The following FHIP1A variants were observed in gnomAD, a reference collection of about 807,000 sequenced individuals.
FHIP1A encodes FHF complex subunit HOOK-interacting protein 1A.
FHIP1A carries 61 observed loss-of-function variants against 88.6 expected under a neutral mutation model. That is an observed-to-expected ratio of 0.69 (90% CI 0.56 to 0.85). The LOEUF is 0.85. FHIP1A is among the 40% of genes least tolerant of loss of function. FHIP1A has a pLI of 0.00. For synonymous variants in FHIP1A, 478 were observed against 496.0 expected (o/e 0.96, Z 0.48); for missense variants, 1,154 against 1,273.5 (o/e 0.91, Z 1.43).
At chr4:151,528,349 C>T (rs753375894) in intron 3 of FHIP1A, among the ~76,000 whole-genome samples, 3 of 152,164 alleles carry the variant, frequency 2.0e-5, no homozygotes, top group Admixed American at 1.3e-4. Flanking sequence ...TTGAGAAAGG[C>T]GCTGAAGTAG....
chr4:151,622,001 G>A (rs560319054), intron 7 of FHIP1A, among the ~76,000 whole-genome samples: 16 of 152,242 alleles, frequency 1.1e-4, no homozygotes, highest in Non-Finnish European at 2.1e-4. Flanking sequence ...GTTTTTATTA[G>A]TAACAGGGCT....
chr4:151,495,395 G>A (rs1180797479), intron 3 of FHIP1A, among the ~76,000 whole-genome samples: 1 of 151,606 alleles, frequency 6.6e-6, no homozygotes, highest in Non-Finnish European at 1.5e-5. Context: ...CCAGCTACTC[G>A]GGAGGCTGAG....
intron 13 of FHIP1A, among the ~76,000 whole-genome samples, chr4:151,660,919 G>A (rs1737433225): frequency 6.6e-6 from 1 of 152,218 alleles, no homozygotes; most frequent in African/African-American, 2.4e-5. Flanking sequence ...CTTTTGGCAG[G>A]TGAGGAAATA....
intron 7 of FHIP1A, among the ~76,000 whole-genome samples, chr4:151,617,332 A>C (rs539168631): frequency 6.6e-6 from 1 of 151,764 alleles, no homozygotes; most frequent in Non-Finnish European, 1.5e-5. Context: ...AACAAATTGG[A>C]GTGGTTTAAA....
At chr4:151,635,406 G>A (rs1736312581) in intron 8 of FHIP1A, among the ~76,000 whole-genome samples, 1 of 151,818 alleles carries the variant, frequency 6.6e-6, no homozygotes, top group African/African-American at 2.4e-5. Flanking sequence ...GCACGATCTT[G>A]AACAGATATT....
rs576298466 is a variant in FHIP1A at position 151,662,565 on chromosome 4, G to T, written c.2934G>T (p.Val978=). 8.4e-6 allele frequency: 13 copies of T among 1,551,494 alleles called. No individual in the cohort carries two copies. In the East Asian group the frequency reaches 3.2e-4, roughly 38 times the overall value. ...GKNLLDGPPR[V]LQPFLTHRTK... Reference sequence around the variant, plus strand: ...ACCTTTTGGATGGACCTCCAAGAGTGCTTCAGCCCTTCCTGACCCACAGAA... The same window carrying T: ...ACCTTTTGGATGGACCTCCAAGAGTTCTTCAGCCCTTCCTGACCCACAGAA... Residue 978 remains valine (V), a synonymous_variant, in exon 14 of 14, where the codon GTG becomes GTT. Transcript: ENST00000435205.
chr4:151,422,490 G>T (rs1733210233), intron 1 of FHIP1A, among the ~76,000 whole-genome samples: 1 of 152,090 alleles, frequency 6.6e-6, no homozygotes, highest in Non-Finnish European at 1.5e-5. Flanking sequence ...GGGTTCACAG[G>T]ATTCTTGTGC....
Position 151,588,851 on chromosome 4 carries a change from C to G in FHIP1A, c.903C>G (p.Pro301=). The change falls in exon 7 of 14, where the codon CCC becomes CCG. Residue 301 remains proline (P), a synonymous_variant. Transcript: ENST00000435205. ...TGCCTCTCTCTCAGGTGGCTCACCC[C>G]TTGATTCGAAATCAGCTTGTCAATT... ...FCNAVIQVAH[P]LIRNQLVNYI... The G allele has an allele frequency of 6.4e-7, 1 of 1,550,894 alleles. No individual in the cohort carries two copies. The highest frequency in any genetic ancestry group is 8.7e-7 in the Non-Finnish European group (1 of 1,146,382).
At chr4:151,550,194 T>C (rs893829899) in intron 3 of FHIP1A, among the ~76,000 whole-genome samples, 1 of 152,154 alleles carries the variant, frequency 6.6e-6, no homozygotes, top group African/African-American at 2.4e-5. Flanking sequence ...ACATAATAGA[T>C]AATGGGGTAT....
At chr4:151,411,346 TA>T (rs1283337755) in intron 1 of FHIP1A, among the ~76,000 whole-genome samples, 6,165 of 33,212 alleles carry the variant, frequency 0.19, 548 homozygotes, top group African/African-American at 0.38. Flanking sequence ...AAATTATATA[TA>T]TATTTTTTTT....
Position 151,663,017 on chromosome 4 carries a change from T to G in FHIP1A, c.*263T>G. ...TGCTCTGTTTTTCCTCCTTATATTT[T>G]TTTGGTTGTCATTCTCCTATCCCTT... On this transcript the variant is annotated 3_prime_UTR_variant, in exon 14 of 14. Transcript: ENST00000435205. 2.9e-6 allele frequency: 1 copy of G among 340,544 alleles called. No homozygotes were observed. Among genetic ancestry groups the G allele is most frequent in the Non-Finnish European group, 5.2e-6 (1 of 191,244 alleles). 21.1% of individuals were successfully genotyped at this position (340,544 alleles called of 1,614,324 possible). A position where few individuals can be genotyped will look rare whatever the true frequency, so the allele number is the denominator to read the frequency against.
chr4:151,626,510 A>G lies in FHIP1A; in HGVS notation c.979-3192A>G, dbSNP rs575785831. 4.3e-4 allele frequency among the ~76,000 whole-genome samples: 66 copies of G among 152,314 alleles called. No individual in the cohort carries two copies. The South Asian group carries it at 6.7e-3, about 15-fold the overall frequency. On this transcript the variant is annotated intron_variant, in intron 7 of 13. Transcript: ENST00000435205. The stretch of plus-strand genomic sequence containing the variant: ...TTAGAGTAACAACTGTTCTTATCTT[A>G]GGGATAATTACTCATTTGTGGACAC...
At chr4:151,410,612 C>T (rs1732589843) in intron 1 of FHIP1A, among the ~76,000 whole-genome samples, 1 of 152,200 alleles carries the variant, frequency 6.6e-6, no homozygotes, top group Non-Finnish European at 1.5e-5. Flanking sequence ...TGCCTGACCT[C>T]AAGTTCACTT....
At chr4:151,611,810 T>C (rs1735334357) in intron 7 of FHIP1A, among the ~76,000 whole-genome samples, 1 of 152,230 alleles carries the variant, frequency 6.6e-6, no homozygotes, top group Admixed American at 6.5e-5. Flanking sequence ...AGGTGTTCTA[T>C]GTATAAGTGT....
chr4:151,489,889 T>C (rs1188737695), intron 3 of FHIP1A, among the ~76,000 whole-genome samples: 3 of 152,084 alleles, frequency 2.0e-5, no homozygotes, highest in Non-Finnish European at 2.9e-5. Context: ...CCCGCCCTAG[T>C]AGCCAAAAAC....
chr4:151,449,587 TA>T (rs1297861864), intron 1 of FHIP1A, among the ~76,000 whole-genome samples: 5 of 152,166 alleles, frequency 3.3e-5, no homozygotes, highest in Non-Finnish European at 7.4e-5. Flanking sequence ...ACCTTACTGT[TA>T]ACCATAGTCA....
At chr4:151,662,357 A>G (rs1179349985) in intron 13 of FHIP1A, 144 bp from the exon 14 acceptor site, 1 of 782,400 alleles carries the variant, frequency 1.3e-6, no homozygotes, top group Non-Finnish European at 1.9e-6. Context: ...CAAGGGCTGC[A>G]TCTTCAGGAT....
rs1729933868 is a variant in FHIP1A at position 151,482,508 on chromosome 4, T to C, written c.-247-16T>C. On this transcript the variant is annotated splice_polypyrimidine_tract_variant and intron_variant, in intron 2 of 13. Coordinates refer to ENST00000435205, the MANE Select transcript of FHIP1A (RefSeq NM_001109977.3). The stretch of plus-strand genomic sequence containing the variant: ...TTTTGCAGTTTATTAATTATTATTT[T>C]TATTCCTCTTCATAGATTTTTAAAG... 1.3e-5 allele frequency: 2 copies of C among 152,062 alleles called. No homozygotes were observed. Among genetic ancestry groups the C allele is most frequent in the South Asian group, 4.1e-4 (2 of 4,820 alleles). The allele number at this position is 152,062 out of a possible 1,614,324, so 9.4% of individuals were successfully genotyped here.
chr4:151,425,380 C>T (rs1410963864), intron 1 of FHIP1A, among the ~76,000 whole-genome samples: 2 of 152,058 alleles, frequency 1.3e-5, no homozygotes, highest in Non-Finnish European at 2.9e-5. Flanking sequence ...ACTTAAGAGA[C>T]ATATTAACCA....
Sources: gnomAD v4.1 joint callset for allele counts (sites outside exome capture counted in the v4.1 genomes callset) on GRCh38, gnomAD v4.1.1 for gene constraint, MANE v1.5 for transcripts, NCBI Gene and HGNC (gene_info 2026-07-23, HGNC 2026-07-21) for gene names.